Variants in SYNM observed in about 807,000 individuals in gnomAD.
SYNM encodes the protein desmuslin.
SYNM carries 95 observed loss-of-function variants against 104.0 expected under a neutral mutation model. The ratio of observed to expected loss-of-function variants is 0.91; its 90% CI spans 0.77 to 1.08. The LOEUF is 1.08. Among genes scored for constraint, SYNM ranks in the 50% least tolerant of loss-of-function variants. The probability of loss-of-function intolerance (pLI) is 0.00; values close to 1 mark genes in which losing one functional copy is unlikely to be tolerated. For missense variants in SYNM, 2,150 were observed against 2,052.2 expected, an observed-to-expected ratio of 1.05 and a Z score of -0.92; for synonymous variants, 918 against 869.0, an observed-to-expected ratio of 1.06 and a Z score of -0.99.
chr15:99,106,368 T>C (rs1404319526), intron 1 of SYNM, among the ~76,000 whole-genome samples: 3 of 152,242 alleles, frequency 2.0e-5, no homozygotes, highest in African/African-American at 7.2e-5. Flanking sequence ...GACCCAGATC[T>C]AAGAGTCAAC....
chr15:99,121,404 G>A (rs1211228155), intron 2 of SYNM, among the ~76,000 whole-genome samples: 3 of 152,124 alleles, frequency 2.0e-5, no homozygotes, highest in African/African-American at 2.4e-5. Flanking sequence ...GCGCCCAGGC[G>A]TGCAGACCTG....
chr15:99,116,679 T>C (rs542633015), intron 2 of SYNM, among the ~76,000 whole-genome samples: 1 of 141,992 alleles, frequency 7.0e-6, no homozygotes, highest in South Asian at 2.4e-4. Context: ...TCTTTTTTTT[T>C]CTTTTTGACA....
chr15:99,119,303 A>G (rs573480906), intron 2 of SYNM, among the ~76,000 whole-genome samples: 2 of 152,346 alleles, frequency 1.3e-5, no homozygotes, highest in East Asian at 3.9e-4. Flanking sequence ...CAGCATGCGC[A>G]TTGTGAGGCA....
chr15:99,139,084 A>C, downstream of SYNM: 1 of 597,978 alleles, frequency 1.7e-6, no homozygotes, highest in Non-Finnish European at 3.0e-6. Flanking sequence ...GTCTGCAGGA[A>C]GACAACATCC....
chr15:99,123,080 G>T (rs1171828190), intron 2 of SYNM, among the ~76,000 whole-genome samples: 1 of 152,172 alleles, frequency 6.6e-6, no homozygotes, highest in Admixed American at 6.5e-5. Flanking sequence ...ATGGTTCTGA[G>T]AACTTTCTGC....
chr15:99,131,248 G>A lies in SYNM; in HGVS notation c.2888G>A (p.Arg963His), dbSNP rs782130289. Reference sequence around the variant, plus strand: ...CAGCTGGAGGAAACCCTTCCCGAGCGCATGAGGGAGGAGCTGTCCGCCCTC... The same window carrying A: ...CAGCTGGAGGAAACCCTTCCCGAGCACATGAGGGAGGAGCTGTCCGCCCTC... ...IGQLEETLPE[R>H]MREELSALTR... is the part of the protein sequence containing the mutation. The change falls in exon 4 of 4, where the codon CGC becomes CAC. Residue 963 changes from arginine (R) to histidine (H), a missense_variant. Arg to His is a conservative substitution (Grantham distance 29). Transcript: ENST00000336292. This position sits in a 1 kb window ranked among gnomAD's most constrained non-coding sequence, Gnocchi z 4.3. The A allele has an allele frequency of 8.7e-6, 14 of 1,609,494 alleles. No individual in the cohort carries two copies. In the East Asian group the frequency reaches 8.9e-5, roughly 10 times the overall value.
chr15:99,123,427 CT>C (rs1225446482), intron 2 of SYNM, among the ~76,000 whole-genome samples: 1 of 152,070 alleles, frequency 6.6e-6, no homozygotes, highest in Non-Finnish European at 1.5e-5. Context: ...GTTATCCTTC[CT>C]GTGAAGCCGG....
In SYNM at chr15:99,105,134, G is replaced by GAGACCGGGACA; in HGVS notation, c.-60_-50dup. The GAGACCGGGACA allele has an allele frequency of 6.6e-7, 1 of 1,512,988 alleles. No individual in the cohort carries two copies. Among genetic ancestry groups the GAGACCGGGACA allele is most frequent in the South Asian group, 1.2e-5 (1 of 82,456 alleles). The allele number at this position is 1,512,988 out of a possible 1,614,324, so 93.7% of individuals were successfully genotyped here. ...GCCGGAGCGTCGCGGCGGAGAGGAC[G>GAGACCGGGACA]AGACCGGGACAAGACCAGGGCAGGA... On this transcript the variant is annotated 5_prime_UTR_variant, in exon 1 of 4. Coordinates refer to ENST00000336292, the MANE Select transcript of SYNM (RefSeq NM_145728.3).
chr15:99,120,496 G>T (rs1449524676), intron 2 of SYNM, among the ~76,000 whole-genome samples: 7 of 152,224 alleles, frequency 4.6e-5, no homozygotes, highest in Admixed American at 4.6e-4. Flanking sequence ...TTGGGGGCGT[G>T]TCATGGAGGG....
chr15:99,131,490 A>G lies in SYNM; in HGVS notation c.3130A>G (p.Ser1044Gly), dbSNP rs1555485897. Residue 1044 changes from serine (S) to glycine (G), a missense_variant, in exon 4 of 4, where the codon AGC (serine) becomes GGC (glycine). Transcript: ENST00000336292. The surrounding 1 kb of genome is among the most constrained non-coding windows in gnomAD (Gnocchi z 4.3). Reference sequence around the variant, plus strand: ...TCGGGAGAGCCTGAGCAGGCAACGCAGCCCAGCGCCTGGCAGCCCAGATGA... The same window carrying G: ...TCGGGAGAGCCTGAGCAGGCAACGCGGCCCAGCGCCTGGCAGCCCAGATGA... ...VVRESLSRQR[S>G]PAPGSPDEEG... 2.5e-6 allele frequency: 4 copies of G among 1,606,478 alleles called. No individual in the cohort carries two copies. Among genetic ancestry groups the G allele is most frequent in the Non-Finnish European group, 3.4e-6 (4 of 1,179,474 alleles).
intron 2 of SYNM, among the ~76,000 whole-genome samples, chr15:99,115,427 TA>T (rs1567276595): frequency 7.0e-6 from 1 of 143,384 alleles, no homozygotes; most frequent in Non-Finnish European, 1.5e-5. Flanking sequence ...TCATTTTTTT[TA>T]TTATTTTTTA....
chr15:99,132,345 C>T lies in SYNM; in HGVS notation c.3985C>T (p.Leu1329=). The change falls in exon 4 of 4, where the codon CTG becomes TTG. Residue 1329 remains leucine, a synonymous_variant. Transcript: ENST00000336292. The part of the protein sequence containing the change: ...QTTQQIVYHG[L]VPQLGESGDS... Reference sequence around the variant, plus strand: ...CACCCAGCAGATAGTTTACCATGGGCTGGTTCCCCAACTGGGGGAATCTGG... The same window carrying T: ...CACCCAGCAGATAGTTTACCATGGGTTGGTTCCCCAACTGGGGGAATCTGG... The T allele has an allele frequency of 6.2e-7, 1 of 1,613,746 alleles. No individual in the cohort carries two copies. Among genetic ancestry groups the T allele is most frequent in the Non-Finnish European group, 8.5e-7 (1 of 1,179,690 alleles).
rs1555485876 is a variant in SYNM at position 99,131,432 on chromosome 15, C to T, written c.3072C>T (p.Ala1024=). Residue 1024 remains alanine (A), a synonymous_variant, in exon 4 of 4, where the codon GCC becomes GCT. Transcript: ENST00000336292. This position sits in a 1 kb window ranked among gnomAD's most constrained non-coding sequence, Gnocchi z 4.3. ...LDLEELSKDE[A]SEMEKAVESV... ...TGGAGGAGCTGAGCAAAGATGAGGC[C>T]AGTGAGATGGAGAAGGCTGTGGAGT... is the stretch of plus-strand genomic sequence containing the variant. 4.3e-6 allele frequency: 7 copies of T among 1,609,800 alleles called. No homozygotes were observed. The Admixed American group carries it at 1.2e-4, about 27-fold the overall frequency.
intron 2 of SYNM, among the ~76,000 whole-genome samples, chr15:99,124,449 C>A (rs1555484860): frequency 6.6e-6 from 1 of 152,196 alleles, no homozygotes; most frequent in Non-Finnish European, 1.5e-5. Context: ...TCGCTGCCTG[C>A]TAGGATCCGG....
At chr15:99,127,200 T>C (rs949520903) in intron 3 of SYNM, among the ~76,000 whole-genome samples, 2 of 152,136 alleles carry the variant, frequency 1.3e-5, no homozygotes, top group Non-Finnish European at 2.9e-5. Context: ...CAGGCAGCAC[T>C]CTGGAACCTG....
Position 99,130,137 on chromosome 15 carries a change from C to T in SYNM, c.1777C>T (p.Pro593Ser), listed in dbSNP as rs782304319. Residue 593 changes from proline (P) to serine (S), a missense_variant, in exon 4 of 4, where the codon CCG becomes TCG. Transcript: ENST00000336292. Reference sequence around the variant, plus strand: ...CCAGGACAGAAGAGCAGAGGTGTCCCCGAAAGGTTTGCAGACGCCTGTGAA... The same window carrying T: ...CCAGGACAGAAGAGCAGAGGTGTCCTCGAAAGGTTTGCAGACGCCTGTGAA... ...VSQDRRAEVSPKGLQTPVKDA... is the reference protein window; with the variant it reads ...VSQDRRAEVSSKGLQTPVKDA... 1.2e-6 allele frequency: 2 copies of T among 1,613,714 alleles called. No individual in the cohort carries two copies. Among genetic ancestry groups the T allele is most frequent in the East Asian group, 2.2e-5 (1 of 44,894 alleles).
intron 2 of SYNM, among the ~76,000 whole-genome samples, chr15:99,121,108 A>C (rs1555484478): frequency 1.3e-5 from 2 of 152,028 alleles, no homozygotes; most frequent in Admixed American, 1.3e-4. Flanking sequence ...ATCAGGAAGG[A>C]GCTCCGGGTG....
At chr15:99,139,511 A>C (rs1424466063), downstream of SYNM, 1 of 1,558,666 alleles carries the variant, frequency 6.4e-7, no homozygotes, top group Non-Finnish European at 8.7e-7. Flanking sequence ...CCCTGCTGTG[A>C]TGGAATTAGC....
intron 1 of SYNM, among the ~76,000 whole-genome samples, chr15:99,110,004 A>G (rs572411771): frequency 6.6e-6 from 1 of 152,074 alleles, no homozygotes; most frequent in African/African-American, 2.4e-5. Flanking sequence ...GACTGAGTGG[A>G]CTCAGGGATG....
Sources: gnomAD v4.1 joint callset for allele counts (sites outside exome capture counted in the v4.1 genomes callset) on GRCh38, gnomAD v4.1.1 for gene constraint, Gnocchi (gnomAD v3.1) non-coding constraint, MANE v1.5 for transcripts, NCBI Gene and HGNC (gene_info 2026-07-23, HGNC 2026-07-21) for gene names.